The following CAMSAP1 variants were observed in gnomAD, a reference collection of about 807,000 sequenced individuals.
CAMSAP1 encodes calmodulin regulated spectrin associated protein 1.
Under a neutral mutation model 143.5 loss-of-function variants are expected in CAMSAP1, and 58 were observed. That is an observed-to-expected ratio of 0.40 (90% CI 0.33 to 0.50). The LOEUF is 0.50. Among genes scored for constraint, CAMSAP1 ranks in the 20% least tolerant of loss-of-function variants. The pLI is 0.45. For synonymous variants in CAMSAP1, 945 were observed against 859.3 expected (o/e 1.10, Z -1.74); for missense variants, 1,969 against 2,115.7 (o/e 0.93, Z 1.36).
intron 7 of CAMSAP1, among the ~76,000 whole-genome samples, chr9:135,848,214 G>T (rs1836645905): frequency 6.6e-6 from 1 of 151,916 alleles, no homozygotes; most frequent in South Asian, 2.1e-4. Context: ...GGGAAGGAAA[G>T]TTAAGTCCAG....
At chr9:135,906,957 C>A in intron 1 of CAMSAP1, 43 bp downstream of exon 1, 1 of 995,430 alleles carries the variant, frequency 1.0e-6, no homozygotes, top group Non-Finnish European at 1.2e-6. Flanking sequence ...CCGGCCCCGG[C>A]CCGCGCCCCT....
At chr9:135,847,623 C>T (rs1197478460) in intron 7 of CAMSAP1, among the ~76,000 whole-genome samples, 4 of 149,780 alleles carry the variant, frequency 2.7e-5, no homozygotes, top group Non-Finnish European at 5.9e-5. Context: ...CCAAACACCG[C>T]ATGTTCTTAC....
rs758944136 is a variant in CAMSAP1, at chr9:135,821,269, G to A, written c.3392C>T (p.Pro1131Leu). 49 of 1,609,712 alleles carry A rather than the reference G, an allele frequency of 3.0e-5. No homozygotes were observed. The highest frequency in any genetic ancestry group is 4.5e-5 in the East Asian group (2 of 44,892). The change falls in exon 11 of 17, where the codon CCG becomes CTG. Residue 1131 changes from proline to leucine, a missense_variant. Pro to Leu is a moderately conservative substitution (Grantham distance 98). Transcript: ENST00000389532. The surrounding 1 kb of genome is among the most constrained non-coding windows in gnomAD (Gnocchi z 4.6). The stretch of plus-strand genomic sequence containing the variant: ...GCTGGCAGGGAAGGGTCTCAAGTGC[G>A]GGAGCGTCTCTACACTGGGCGTTGG... ...KTPTPSVETL[P>L]HLRPFPASSH...
chr9:135,888,632 T>C (rs1311999022), intron 1 of CAMSAP1, among the ~76,000 whole-genome samples: 2 of 152,172 alleles, frequency 1.3e-5, no homozygotes, highest in African/African-American at 4.8e-5. Context: ...CTATCTGCAT[T>C]TGACACTGAG....
chr9:135,875,135 A>G (rs1015357600), intron 3 of CAMSAP1, among the ~76,000 whole-genome samples: 8 of 152,232 alleles, frequency 5.3e-5, no homozygotes, highest in African/African-American at 1.7e-4. Context: ...AATCCCAGCA[A>G]GTATTCTTAT....
chr9:135,896,095 A>T (rs1047771801), intron 1 of CAMSAP1, among the ~76,000 whole-genome samples: 1 of 152,222 alleles, frequency 6.6e-6, no homozygotes, highest in Non-Finnish European at 1.5e-5. Flanking sequence ...CTCTAAATAC[A>T]CCAATCAAAA....
At chr9:135,842,438 CAGG>C (rs1463049554) in intron 7 of CAMSAP1, among the ~76,000 whole-genome samples, 1 of 152,266 alleles carries the variant, frequency 6.6e-6, no homozygotes, top group East Asian at 1.9e-4. Flanking sequence ...GGATATTATC[CAGG>C]AGAACTTCCC....
intron 1 of CAMSAP1, among the ~76,000 whole-genome samples, chr9:135,898,399 C>T (rs1838520534): frequency 6.6e-6 from 1 of 152,136 alleles, no homozygotes; most frequent in East Asian, 1.9e-4. Context: ...AATCCTAGCA[C>T]TTTGGGAGGC....
chr9:135,815,270 C>A (rs1835190181), intron 15 of CAMSAP1, 55 bp from the exon 16 acceptor site: 5 of 1,194,274 alleles, frequency 4.2e-6, no homozygotes, highest in Middle Eastern at 1.9e-4. Flanking sequence ...CGAACACACA[C>A]AAAAAAGAAA....
In CAMSAP1 at chr9:135,811,775, G is replaced by A. The variant is rs954643224; in HGVS notation, c.4507-164C>T. ...AAACAATTACAGCAGACCCCTGTACGGGAGCATTATATGCCATTGAGACTT... is the reference window on the plus strand; with the variant it reads ...AAACAATTACAGCAGACCCCTGTACAGGAGCATTATATGCCATTGAGACTT... On this transcript the variant is annotated intron_variant, in intron 16 of 16. Transcript: ENST00000389532. The surrounding 1 kb of genome is among the most constrained non-coding windows in gnomAD (Gnocchi z 4.9). 3.9e-5 allele frequency among the ~76,000 whole-genome samples: 6 copies of A among 152,188 alleles called. No homozygotes were observed. The highest frequency in any genetic ancestry group is 1.4e-4 in the African/African-American group (6 of 41,460).
Position 135,883,069 on chromosome 9 carries a change from G to C in CAMSAP1, c.170C>G (p.Pro57Arg), listed in dbSNP as rs989780482. ...GTAGAAAGGGTCTCTGAGGTCCTCAGGGATGTTATCTAAGACAGGGAGGGG... is the reference window on the plus strand; with the variant it reads ...GTAGAAAGGGTCTCTGAGGTCCTCACGGATGTTATCTAAGACAGGGAGGGG... The part of the protein sequence containing the change: ...CAKAYGRDNI[P>R]EDLRDPFYVD... The change falls in exon 2 of 17, where the codon CCT (proline) becomes CGT (arginine). Residue 57 changes from proline (P) to arginine (R), a missense_variant. Around this residue, in one of 4 missense-constraint regions of CAMSAP1, gnomAD observed 215 missense variants for 196.2 expected, o/e 1.10. Transcript: ENST00000389532. The C allele has an allele frequency of 3.0e-5, 46 of 1,551,586 alleles. No homozygotes were observed. Among genetic ancestry groups the C allele is most frequent in the Non-Finnish European group, 3.6e-5 (41 of 1,147,014 alleles).
At chr9:135,892,976 C>T (rs1838334945) in intron 1 of CAMSAP1, among the ~76,000 whole-genome samples, 1 of 151,814 alleles carries the variant, frequency 6.6e-6, no homozygotes, top group East Asian at 1.9e-4. Context: ...TGAGACCAGC[C>T]TAGGCAACAT....
Position 135,827,468 on chromosome 9 carries a change from C to CGGG in CAMSAP1, c.1159_1161dup (p.Pro387dup). On this transcript the variant is annotated inframe_insertion, in exon 8 of 17. Coordinates refer to ENST00000389532, the MANE Select transcript of CAMSAP1 (RefSeq NM_015447.4). Reference sequence around the variant, plus strand: ...TGACAGCCTTCCGCCGGCAGCTGCACGGGGGGCTGCAGCTCAGCCAGGGTC... The same window carrying CGGG: ...TGACAGCCTTCCGCCGGCAGCTGCACGGGGGGGGGCTGCAGCTCAGCCAGGGTC... The CGGG allele has an allele frequency of 6.2e-7, 1 of 1,608,642 alleles. No homozygotes were observed. The highest frequency in any genetic ancestry group is 1.3e-5 in the African/African-American group (1 of 74,962).
chr9:135,879,071 A>G (rs1295636081), intron 3 of CAMSAP1, among the ~76,000 whole-genome samples: 1 of 152,206 alleles, frequency 6.6e-6, no homozygotes, highest in African/African-American at 2.4e-5. Flanking sequence ...AAAGCTGTCA[A>G]TGCAACCGCA....
chr9:135,819,253 G>A (rs1835353097), intron 11 of CAMSAP1, 107 bp from the exon 12 acceptor site: 14 of 1,356,056 alleles, frequency 1.0e-5, no homozygotes, highest in Non-Finnish European at 1.3e-5. Flanking sequence ...AAAGTTTAAC[G>A]CATAAAGACT....
Position 135,821,821 on chromosome 9 carries a change from C to T in CAMSAP1, c.2840G>A (p.Cys947Tyr), listed in dbSNP as rs751115885. 6.2e-7 allele frequency: 1 copy of T among 1,614,074 alleles called. No individual in the cohort carries two copies. Residue 947 changes from cysteine (C) to tyrosine (Y), a missense_variant, in exon 11 of 17, where the codon TGT (cysteine) becomes TAT (tyrosine). Coordinates refer to ENST00000389532, the MANE Select transcript of CAMSAP1 (RefSeq NM_015447.4). The surrounding 1 kb of genome is among the most constrained non-coding windows in gnomAD (Gnocchi z 4.6). ...TTCGGTTTTGGAAACAGCGTCCCCA[C>T]AGTCCTCCCCGTTGTGCTGAGAGTA... ...KEYSQHNGED[C>Y]GDAVSKTEDF... is the part of the protein sequence containing the mutation.
chr9:135,851,432 T>A (rs898654748), intron 5 of CAMSAP1, among the ~76,000 whole-genome samples: 12 of 152,040 alleles, frequency 7.9e-5, no homozygotes, highest in African/African-American at 1.4e-4. Flanking sequence ...CTGTGCACAC[T>A]CACACTGCTA....
chr9:135,901,739 C>G (rs750458926), intron 1 of CAMSAP1, among the ~76,000 whole-genome samples: 7 of 152,176 alleles, frequency 4.6e-5, no homozygotes, highest in Admixed American at 1.3e-4. Flanking sequence ...TTCCCAGGCT[C>G]GCTCTCTCGG....
At position 135,820,867 on chromosome 9, in the gene CAMSAP1, T is replaced by G; in HGVS notation, c.3794A>C (p.Gln1265Pro). The part of the protein sequence containing the change: ...GSADLVSEGD[Q>P]KPGVGFFFKD... ...GAAGAAGAAGCCGACCCCCGGCTTC[T>G]GGTCGCCTTCGCTGACAAGGTCCGC... is the stretch of plus-strand genomic sequence containing the variant. The change falls in exon 11 of 17, where the codon CAG becomes CCG. Residue 1265 changes from glutamine (Q) to proline (P), a missense_variant. By Grantham distance (76) the Gln-to-Pro change is moderately conservative. Transcript: ENST00000389532. This position sits in a 1 kb window ranked among gnomAD's most constrained non-coding sequence, Gnocchi z 4.4. 6.2e-7 allele frequency: 1 copy of G among 1,613,486 alleles called. No homozygotes were observed.
Sources: allele counts gnomAD v4.1 joint callset (sites outside exome capture counted in the v4.1 genomes callset), GRCh38; gene constraint gnomAD v4.1.1; regional missense constraint gnomAD v4.1.1; non-coding constraint Gnocchi (gnomAD v3.1); transcripts MANE v1.5; gene names NCBI Gene and HGNC (gene_info 2026-07-23, HGNC 2026-07-21).